The following MIPOL1 variants were observed in gnomAD, a reference collection of about 807,000 sequenced individuals.
MIPOL1 encodes the protein mirror-image polydactyly 1.
MIPOL1 carries 57 observed loss-of-function variants against 60.9 expected under a neutral mutation model. The observed-to-expected ratio is 0.94, with a 90% confidence interval of 0.76 to 1.17. The LOEUF is 1.17. MIPOL1 is among the 50% of genes most tolerant of loss of function. The probability of loss-of-function intolerance (pLI) is 0.00; values close to 1 mark genes in which losing one functional copy is unlikely to be tolerated. For synonymous variants in MIPOL1, 179 were observed against 168.8 expected (o/e 1.06, Z -0.47); for missense variants, 551 against 511.6 (o/e 1.08, Z -0.74).
chr14:37,522,954 A>G (rs1165210043), intron 12 of MIPOL1, among the ~76,000 whole-genome samples: 1 of 152,144 alleles, frequency 6.6e-6, no homozygotes, highest in Non-Finnish European at 1.5e-5. Context: ...TTTTATCCTT[A>G]GTAATTGAAT....
chr14:37,267,984 A>G (rs915167488), intron 4 of MIPOL1, among the ~76,000 whole-genome samples: 1 of 152,140 alleles, frequency 6.6e-6, no homozygotes, highest in African/African-American at 2.4e-5. Flanking sequence ...AGCTCATGAA[A>G]GGATTTGAAT....
At chr14:37,517,055 A>G (rs1189741574) in intron 12 of MIPOL1, among the ~76,000 whole-genome samples, 1 of 152,168 alleles carries the variant, frequency 6.6e-6, no homozygotes, top group Admixed American at 6.6e-5. Context: ...GCAACTTAGT[A>G]TCGAGTAAAA....
chr14:37,478,726 T>A (rs946746084), intron 11 of MIPOL1, among the ~76,000 whole-genome samples: 19 of 152,152 alleles, frequency 1.2e-4, no homozygotes, highest in Non-Finnish European at 5.9e-5. Context: ...AAAAAGATAT[T>A]CCACGTAAAT....
intron 10 of MIPOL1, among the ~76,000 whole-genome samples, chr14:37,420,301 T>A (rs575966696): frequency 6.6e-6 from 1 of 152,280 alleles, no homozygotes; most frequent in South Asian, 2.1e-4. Context: ...TTACTTTACA[T>A]TGTATATTCT....
chr14:37,545,012 A>G (rs2095542373), intron 12 of MIPOL1, among the ~76,000 whole-genome samples: 2 of 152,206 alleles, frequency 1.3e-5, no homozygotes, highest in African/African-American at 2.4e-5. Context: ...CTGAATTTGT[A>G]GTAACAATAA....
At chr14:37,275,489 A>C (rs2083585035) in intron 6 of MIPOL1, among the ~76,000 whole-genome samples, 1 of 151,286 alleles carries the variant, frequency 6.6e-6, no homozygotes, top group African/African-American at 2.4e-5. Context: ...TGCATCCATT[A>C]ATTTGCTCTT....
intron 1 of MIPOL1, among the ~76,000 whole-genome samples, chr14:37,217,372 G>A (rs1450208987): frequency 1.3e-5 from 2 of 152,114 alleles, no homozygotes. Context: ...AATAGAGGAG[G>A]AGGGAATATT....
intron 9 of MIPOL1, among the ~76,000 whole-genome samples, chr14:37,313,103 A>T (rs183560220): frequency 1.3e-5 from 2 of 151,834 alleles, no homozygotes; most frequent in East Asian, 3.9e-4. Context: ...ATATCTAGCC[A>T]TTGGTGTTAG....
chr14:37,514,645 G>A (rs1355164601), intron 12 of MIPOL1, among the ~76,000 whole-genome samples: 2 of 150,810 alleles, frequency 1.3e-5, no homozygotes, highest in African/African-American at 4.9e-5. Flanking sequence ...TTTGGAGACG[G>A]AGTTTCGCTC....
intron 11 of MIPOL1, among the ~76,000 whole-genome samples, chr14:37,455,375 A>G (rs779050915): frequency 4.6e-5 from 7 of 151,694 alleles, no homozygotes; most frequent in Non-Finnish European, 8.8e-5. Context: ...TTCATTCCTC[A>G]CTCTTTCTTG....
chr14:37,339,663 C>T (rs981433736), intron 9 of MIPOL1, among the ~76,000 whole-genome samples: 3 of 152,066 alleles, frequency 2.0e-5, no homozygotes, highest in African/African-American at 7.3e-5. Context: ...GCATGAACTG[C>T]TCTCACAGTC....
chr14:37,304,403 A>G (rs150726156), intron 7 of MIPOL1, among the ~76,000 whole-genome samples: 1 of 151,778 alleles, frequency 6.6e-6, no homozygotes, highest in Non-Finnish European at 1.5e-5. Flanking sequence ...CTACATATAC[A>G]TACTCTTATA....
At chr14:37,546,360 G>T (rs879486989) in intron 12 of MIPOL1, among the ~76,000 whole-genome samples, 6 of 152,038 alleles carry the variant, frequency 3.9e-5, no homozygotes, top group Non-Finnish European at 8.8e-5. Flanking sequence ...TTATTTCCAT[G>T]CTACTGTAAC....
At chr14:37,446,809 C>T (rs1228976485) in intron 11 of MIPOL1, among the ~76,000 whole-genome samples, 1 of 151,580 alleles carries the variant, frequency 6.6e-6, no homozygotes, top group Admixed American at 6.6e-5. Context: ...TTATTCTCAG[C>T]AAACTATTGC....
chr14:37,311,523 A>C (rs1334049383), intron 9 of MIPOL1, among the ~76,000 whole-genome samples: 1 of 152,206 alleles, frequency 6.6e-6, no homozygotes, highest in Non-Finnish European at 1.5e-5. Context: ...GCTTATTTGC[A>C]AGCCCTCTGG....
intron 7 of MIPOL1, among the ~76,000 whole-genome samples, chr14:37,302,522 G>C (rs1595017800): frequency 6.6e-6 from 1 of 151,206 alleles, no homozygotes; most frequent in South Asian, 2.1e-4. Flanking sequence ...TATGTGGCTT[G>C]CACATATTTT....
intron 11 of MIPOL1, among the ~76,000 whole-genome samples, chr14:37,464,545 A>C (rs1459236674): frequency 6.6e-6 from 1 of 152,138 alleles, no homozygotes; most frequent in Non-Finnish European, 1.5e-5. Context: ...ATACACGTGG[A>C]AATACAGAGG....
intron 11 of MIPOL1, among the ~76,000 whole-genome samples, chr14:37,486,653 C>G (rs2094951315): frequency 6.6e-6 from 1 of 152,106 alleles, no homozygotes; most frequent in African/African-American, 2.4e-5. Flanking sequence ...TATAGGAATG[C>G]TTGTGATTTT....
At chr14:37,340,923 G>T (rs950486160) in intron 9 of MIPOL1, among the ~76,000 whole-genome samples, 3 of 151,964 alleles carry the variant, frequency 2.0e-5, no homozygotes, top group African/African-American at 7.3e-5. Context: ...TTTTTTATCT[G>T]TTATACCATA....
Sources: allele counts gnomAD v4.1 joint callset (sites outside exome capture counted in the v4.1 genomes callset), GRCh38; gene constraint gnomAD v4.1.1; transcripts MANE v1.5; gene names NCBI Gene and HGNC (gene_info 2026-07-23, HGNC 2026-07-21).